The following SLC39A11 variants were observed in gnomAD, a reference collection of about 807,000 sequenced individuals.
The protein encoded by SLC39A11 is solute carrier family 39 member 11, also known as zinc transporter ZIP11.
Under a neutral mutation model 36.1 loss-of-function variants are expected in SLC39A11, and 33 were observed. That is an observed-to-expected ratio of 0.91 (90% CI 0.69 to 1.22). The LOEUF (loss-of-function observed/expected upper bound fraction) is 1.22, where lower values mean the gene tolerates loss of function less well. SLC39A11 is among the 50% of genes most tolerant of loss of function. The probability of loss-of-function intolerance (pLI) is 0.00; values close to 1 mark genes in which losing one functional copy is unlikely to be tolerated. For synonymous variants in SLC39A11, 166 were observed against 170.3 expected (o/e 0.97, Z 0.20); for missense variants, 432 against 430.3 (o/e 1.00, Z -0.03).
chr17:72,707,274 CA>C (rs536499276), intron 7 of SLC39A11, among the ~76,000 whole-genome samples: 59 of 150,694 alleles, frequency 3.9e-4, no homozygotes, highest in Non-Finnish European at 6.5e-4. Context: ...TGTAGGGGTC[CA>C]CACCTGTAAT....
chr17:72,907,066 G>T (rs1422799326), intron 5 of SLC39A11, among the ~76,000 whole-genome samples: 1 of 152,236 alleles, frequency 6.6e-6, no homozygotes, highest in African/African-American at 2.4e-5. Context: ...CACCAGAGGA[G>T]ATAAGTGGGA....
intron 7 of SLC39A11, among the ~76,000 whole-genome samples, chr17:72,716,069 C>T (rs758131658): frequency 5.3e-5 from 8 of 152,048 alleles, no homozygotes; most frequent in Non-Finnish European, 1.0e-4. Flanking sequence ...ACCTAACTCC[C>T]GCCCTCGTTC....
chr17:72,889,669 T>C (rs1183637802), intron 5 of SLC39A11, among the ~76,000 whole-genome samples: 1 of 152,238 alleles, frequency 6.6e-6, no homozygotes, highest in Non-Finnish European at 1.5e-5. Flanking sequence ...TCTTGACTTA[T>C]CAATTTTCAA....
At chr17:73,007,334 T>C (rs1404981890) in intron 4 of SLC39A11, among the ~76,000 whole-genome samples, 1 of 152,002 alleles carries the variant, frequency 6.6e-6, no homozygotes, top group Admixed American at 6.5e-5. Context: ...GGAGGGAGAA[T>C]AACTTGAAAC....
intron 4 of SLC39A11, among the ~76,000 whole-genome samples, chr17:73,014,875 G>A (rs2090722698): frequency 6.6e-6 from 1 of 152,052 alleles, no homozygotes; most frequent in Non-Finnish European, 1.5e-5. Context: ...TTCCTCTCCT[G>A]TTCAGAGCTC....
At chr17:72,911,882 G>T (rs188477607) in intron 5 of SLC39A11, among the ~76,000 whole-genome samples, 1 of 152,312 alleles carries the variant, frequency 6.6e-6, no homozygotes, top group Admixed American at 6.5e-5. Flanking sequence ...AACCTCAGGT[G>T]ATCTGCCCGC....
intron 3 of SLC39A11, among the ~76,000 whole-genome samples, chr17:73,045,386 T>TTAAAAAAA: frequency 2.4e-5 from 1 of 41,704 alleles, no homozygotes; most frequent in Non-Finnish European, 3.8e-5. Context: ...AAAACAGAGT[T>TTAAAAAAA]AAAAAAAAAA....
intron 6 of SLC39A11, among the ~76,000 whole-genome samples, chr17:72,834,243 T>C (rs1051745647): frequency 6.6e-6 from 1 of 152,158 alleles, no homozygotes; most frequent in African/African-American, 2.4e-5. Flanking sequence ...GGAGCTAAAG[T>C]TTGCATTTTA....
intron 7 of SLC39A11, among the ~76,000 whole-genome samples, chr17:72,655,650 C>T (rs2070077907): frequency 6.6e-6 from 1 of 152,330 alleles, no homozygotes; most frequent in Non-Finnish European, 1.5e-5. Flanking sequence ...GAGCCGAGGA[C>T]ACCTGTGGCC....
chr17:73,088,582 C>A, intron 2 of SLC39A11, 75 bp downstream of exon 2: 1 of 1,195,250 alleles, frequency 8.4e-7, no homozygotes, highest in Non-Finnish European at 1.2e-6. Context: ...TACAAACCTG[C>A]TCCATGGAGT....
At chr17:72,978,098 G>A (rs933086156) in intron 4 of SLC39A11, among the ~76,000 whole-genome samples, 1 of 152,360 alleles carries the variant, frequency 6.6e-6, no homozygotes, top group Non-Finnish European at 1.5e-5. Context: ...GAACGCAGGG[G>A]AAGTACGGGG....
chr17:72,659,576 T>C (rs974110661), intron 7 of SLC39A11, among the ~76,000 whole-genome samples: 2 of 90,396 alleles, frequency 2.2e-5, no homozygotes, highest in Non-Finnish European at 4.3e-5. Context: ...CTGTGACTCT[T>C]TTTTTTTTTT....
At chr17:73,055,853 ATC>A (rs1366684625) in intron 3 of SLC39A11, among the ~76,000 whole-genome samples, 6 of 152,182 alleles carry the variant, frequency 3.9e-5, no homozygotes, top group African/African-American at 1.4e-4. Flanking sequence ...CAATTAGGCT[ATC>A]TCTGTGCAGC....
intron 3 of SLC39A11, among the ~76,000 whole-genome samples, chr17:73,060,210 CAAAAA>C (rs33931672): frequency 4.3e-5 from 3 of 70,350 alleles, no homozygotes; most frequent in African/African-American, 5.6e-5. Context: ...AACTCCATCT[CAAAAA>C]AAAAAAAAAA....
intron 3 of SLC39A11, among the ~76,000 whole-genome samples, chr17:73,049,218 C>T (rs1163488647): frequency 3.3e-5 from 5 of 152,104 alleles, no homozygotes; most frequent in Admixed American, 6.5e-5. Flanking sequence ...AGGCCAAAGG[C>T]GCTACAGCAC....
intron 5 of SLC39A11, among the ~76,000 whole-genome samples, chr17:72,938,185 A>G (rs1488013356): frequency 6.6e-6 from 1 of 152,248 alleles, no homozygotes; most frequent in African/African-American, 2.4e-5. Context: ...AAAGCAGAAC[A>G]GAATGCTAGC....
chr17:72,889,253 G>A (rs1009119677), intron 5 of SLC39A11, among the ~76,000 whole-genome samples: 7 of 151,988 alleles, frequency 4.6e-5, no homozygotes, highest in Non-Finnish European at 7.4e-5. Flanking sequence ...AGTGGCTCAC[G>A]CCTGTAATCC....
chr17:72,844,084 C>T (rs1424036874), intron 6 of SLC39A11, among the ~76,000 whole-genome samples: 1 of 151,978 alleles, frequency 6.6e-6, no homozygotes, highest in East Asian at 1.9e-4. Context: ...TCTTAAAAAC[C>T]CAGAGTCTCA....
chr17:72,939,455 C>T (rs1567987080), intron 5 of SLC39A11, among the ~76,000 whole-genome samples: 1 of 29,404 alleles, frequency 3.4e-5, no homozygotes, highest in South Asian at 3.0e-3. Flanking sequence ...AAGGTTCCGT[C>T]TCGAAAAAAA....
Sources: allele counts gnomAD v4.1 joint callset (sites outside exome capture counted in the v4.1 genomes callset), GRCh38; gene constraint gnomAD v4.1.1; transcripts MANE v1.5; gene names NCBI Gene and HGNC (gene_info 2026-07-23, HGNC 2026-07-21).